The following STX11 variants were observed in gnomAD, a reference collection of about 807,000 sequenced individuals.
STX11 encodes the protein syntaxin 11.
Under a neutral mutation model 19.9 loss-of-function variants are expected in STX11, and 21 were observed. The observed-to-expected ratio is 1.06, with a 90% CI of 0.75 to 1.52. The LOEUF (loss-of-function observed/expected upper bound fraction) is 1.52, where lower values mean the gene tolerates loss of function less well. Ranked by LOEUF, STX11 falls within the 40% of genes most tolerant of loss-of-function variation. STX11 has a pLI of 0.00. For synonymous variants in STX11, 193 were observed against 174.4 expected, an observed-to-expected ratio of 1.11 and a Z score of -0.84; for missense variants, 438 against 405.9, an observed-to-expected ratio of 1.08 and a Z score of -0.68.
the STX11 span, among the ~76,000 whole-genome samples, chr6:144,140,207 C>A: frequency 1.5e-5 from 1 of 65,448 alleles, no homozygotes; most frequent in Non-Finnish European, 3.0e-5. Context: ...TTGGTCAATT[C>A]ACATATATAT....
Position 144,155,980 on chromosome 6 carries a change from T to A in STX11, c.-6+5277T>A, listed in dbSNP as rs899370399. Among the ~76,000 whole-genome samples the A allele has an allele frequency of 7.5e-6, 1 of 132,468 alleles. No homozygotes were observed. Among genetic ancestry groups the A allele is most frequent in the African/African-American group, 3.7e-5 (1 of 26,802 alleles). 86.9% of individuals were successfully genotyped at this position (132,468 alleles called of 152,430 possible). ...TTTCTTTCTTTCTTTCTTTCTTTCT[T>A]TCTTTCTTTCTTTCTTTCTTTCTTT... On this transcript the variant is annotated intron_variant, in intron 1 of 1. Transcript: ENST00000367568. The surrounding 1 kb of genome is among the most constrained non-coding windows in gnomAD (Gnocchi z 4.5).
In STX11 at chr6:144,184,098, T is replaced by A. The variant is rs989586180; in HGVS notation, c.-5-2525T>A. ...TATGGCTGTATAGTACAGTCTAACATTGATGGGCATTTGGGTTGGTTCCGT... is the reference window on the plus strand; with the variant it reads ...TATGGCTGTATAGTACAGTCTAACAATGATGGGCATTTGGGTTGGTTCCGT... On this transcript the variant is annotated intron_variant, in intron 1 of 1. Coordinates refer to ENST00000367568, the MANE Select transcript of STX11 (RefSeq NM_003764.4). This position sits in a 1 kb window ranked among gnomAD's most constrained non-coding sequence, Gnocchi z 6.5. Among the ~76,000 whole-genome samples the A allele has an allele frequency of 6.6e-6, 1 of 152,250 alleles. No homozygotes were observed. Among genetic ancestry groups the A allele is most frequent in the Non-Finnish European group, 1.5e-5 (1 of 68,044 alleles).
At chr6:144,140,783 A>T in the STX11 span, 3 of 985,418 alleles carry the variant, frequency 3.0e-6, no homozygotes, top group South Asian at 1.4e-4. Context: ...GAGGAAGAAG[A>T]GAAGAAAGCC....
chr6:144,168,610 A>G (rs1398142603), intron 1 of STX11, among the ~76,000 whole-genome samples: 1 of 152,190 alleles, frequency 6.6e-6, no homozygotes, highest in Non-Finnish European at 1.5e-5. Context: ...CTCATCTGAT[A>G]TACGGAATCC....
At position 144,187,536 on chromosome 6, in the gene STX11, C is replaced by T; in HGVS notation, c.*45C>T. On this transcript the variant is annotated 3_prime_UTR_variant, in exon 2 of 2. Coordinates refer to ENST00000367568, the MANE Select transcript of STX11 (RefSeq NM_003764.4). This position sits in a 1 kb window ranked among gnomAD's most constrained non-coding sequence, Gnocchi z 5.6. ...ACCGCCCATCCCAGACCATGGAGCG[C>T]GCTGGGAAGGACGCACCAAAGCCGG... 2.5e-6 allele frequency: 4 copies of T among 1,610,798 alleles called. No homozygotes were observed. The highest frequency in any genetic ancestry group is 3.4e-6 in the Non-Finnish European group (4 of 1,179,516).
At chr6:144,178,414 T>G (rs969239661) in intron 1 of STX11, among the ~76,000 whole-genome samples, 2 of 152,226 alleles carry the variant, frequency 1.3e-5, no homozygotes, top group African/African-American at 4.8e-5. Flanking sequence ...AGTAGCTGCT[T>G]TGATTTCCCG....
At chr6:144,145,869 G>C (rs1405845915), upstream of STX11, among the ~76,000 whole-genome samples, 1 of 152,138 alleles carries the variant, frequency 6.6e-6, no homozygotes, top group Non-Finnish European at 1.5e-5. Context: ...AAAATGTTCA[G>C]GATGGTGGTG....
chr6:144,166,846 T>G (rs1260748071), intron 1 of STX11, among the ~76,000 whole-genome samples: 1 of 49,212 alleles, frequency 2.0e-5, no homozygotes, highest in East Asian at 5.7e-4. Flanking sequence ...CCTTTCCCCC[T>G]TCCCTTCCCT....
chr6:144,154,653 C>T lies in STX11; in HGVS notation c.-6+3950C>T, dbSNP rs1382200114. ...GGTCAAATGGTGGAAGAACCACTAA[C>T]AAATGCAGACAGGTACATAACAACT... is the stretch of plus-strand genomic sequence containing the variant. On this transcript the variant is annotated intron_variant, in intron 1 of 1. Transcript: ENST00000367568. This position sits in a 1 kb window ranked among gnomAD's most constrained non-coding sequence, Gnocchi z 4.7. Among the ~76,000 whole-genome samples the T allele has an allele frequency of 6.6e-6, 1 of 152,230 alleles. No homozygotes were observed. Among genetic ancestry groups the T allele is most frequent in the Non-Finnish European group, 1.5e-5 (1 of 68,036 alleles).
chr6:144,151,358 C>CA lies in STX11; in HGVS notation c.-6+656dup, dbSNP rs1485926598. The stretch of plus-strand genomic sequence containing the variant: ...TGTATTACTTCCTGTGGTTCTCACG[C>CA]ACTTGTTTCAGCCGTTTCTCAGCAG... On this transcript the variant is annotated intron_variant, in intron 1 of 1. Transcript: ENST00000367568. The surrounding 1 kb of genome is among the most constrained non-coding windows in gnomAD (Gnocchi z 4.6). The CA allele has an allele frequency of 3.0e-6, 3 of 985,312 alleles. No individual in the cohort carries two copies. Among genetic ancestry groups the CA allele is most frequent in the Non-Finnish European group, 3.6e-6 (3 of 829,940 alleles). The allele number at this position is 985,312 out of a possible 1,614,324, so 61.0% of individuals were successfully genotyped here. A position where few individuals can be genotyped will look rare whatever the true frequency, so the allele number is the denominator to read the frequency against.
At chr6:144,173,160 CCCA>C (rs1801686561) in intron 1 of STX11, among the ~76,000 whole-genome samples, 1 of 152,208 alleles carries the variant, frequency 6.6e-6, no homozygotes, top group Non-Finnish European at 1.5e-5. Flanking sequence ...AAGTTGGGGA[CCCA>C]GAGGCCTCTT....
At chr6:144,146,141 G>A (rs143340586), upstream of STX11, among the ~76,000 whole-genome samples, 1 of 152,214 alleles carries the variant, frequency 6.6e-6, no homozygotes, top group African/African-American at 2.4e-5. The surrounding 1 kb of genome is among the most constrained non-coding windows in gnomAD (Gnocchi z 4.4). Flanking sequence ...GGCTGTGCTA[G>A]AGGACCTTCC....
At position 144,182,128 on chromosome 6, in the gene STX11, C is replaced by T. The variant is rs917930618; in HGVS notation, c.-5-4495C>T. Among the ~76,000 whole-genome samples the T allele has an allele frequency of 8.5e-5, 13 of 152,170 alleles. No homozygotes were observed. Among genetic ancestry groups the T allele is most frequent in the Non-Finnish European group, 1.8e-4 (12 of 68,014 alleles). On this transcript the variant is annotated intron_variant, in intron 1 of 1. Transcript: ENST00000367568. This position sits in a 1 kb window ranked among gnomAD's most constrained non-coding sequence, Gnocchi z 4.8. Reference sequence around the variant, plus strand: ...TTTCTTTCTCATTTACCATAGTTCTCTTTCTAGGAACTCATAGTACAGAAT... The same window carrying T: ...TTTCTTTCTCATTTACCATAGTTCTTTTTCTAGGAACTCATAGTACAGAAT...
chr6:144,144,300 A>G, the STX11 span, among the ~76,000 whole-genome samples: 1 of 152,252 alleles, frequency 6.6e-6, no homozygotes, highest in Non-Finnish European at 1.5e-5. Flanking sequence ...ACAGAACCAC[A>G]TGATCACTGA....
Position 144,150,618 on chromosome 6 carries a change from T to A in STX11, c.-91T>A, listed in dbSNP as rs1252540579. 1.0e-6 allele frequency: 1 copy of A among 985,082 alleles called. No individual in the cohort carries two copies. The highest frequency in any genetic ancestry group is 1.8e-5 in the African/African-American group (1 of 57,140). The allele number at this position is 985,082 out of a possible 1,614,324, so 61.0% of individuals were successfully genotyped here. A position where few individuals can be genotyped will look rare whatever the true frequency, so the allele number is the denominator to read the frequency against. ...GAGCCGCCGGGAGTCGCGCAACAGG[T>A]TTCCTTCTCCATCGCTGCGCCCACA... On this transcript the variant is annotated 5_prime_UTR_variant, in exon 1 of 2. Coordinates refer to ENST00000367568, the MANE Select transcript of STX11 (RefSeq NM_003764.4).
At chr6:144,146,213 G>A (rs1432456566), upstream of STX11, among the ~76,000 whole-genome samples, 1 of 152,164 alleles carries the variant, frequency 6.6e-6, no homozygotes, top group African/African-American at 2.4e-5. This position sits in a 1 kb window ranked among gnomAD's most constrained non-coding sequence, Gnocchi z 4.4. Context: ...CGTGCAGGAT[G>A]ATGGCCACGG....
rs139378736 is a variant in STX11 at position 144,180,947 on chromosome 6, C to T, written c.-5-5676C>T. ...TTTATTCATGTACCTGAGGGTGCCT[C>T]ATCATAGTAAGCTCAGTCTTCAATT... is the stretch of plus-strand genomic sequence containing the variant. On this transcript the variant is annotated intron_variant, in intron 1 of 1. Transcript: ENST00000367568. This position sits in a 1 kb window ranked among gnomAD's most constrained non-coding sequence, Gnocchi z 5.3. Among the ~76,000 whole-genome samples, 21 of 152,318 alleles carry T rather than the reference C, an allele frequency of 1.4e-4. No homozygotes were observed. Among genetic ancestry groups the T allele is most frequent in the African/African-American group, 4.8e-4 (20 of 41,578 alleles).
Position 144,151,528 on chromosome 6 carries a change from G to C in STX11, c.-6+825G>C. On this transcript the variant is annotated intron_variant, in intron 1 of 1. Coordinates refer to ENST00000367568, the MANE Select transcript of STX11 (RefSeq NM_003764.4). The surrounding 1 kb of genome is among the most constrained non-coding windows in gnomAD (Gnocchi z 4.6). ...GTGAAATGCCTGCCCTGCCAACCTG[G>C]GGCAGTGGTATGGGAAGTGACGATT... 1.4e-6 allele frequency: 1 copy of C among 719,298 alleles called. No homozygotes were observed. The highest frequency in any genetic ancestry group is 1.7e-6 in the Non-Finnish European group (1 of 586,634). The allele number at this position is 719,298 out of a possible 1,614,324, so 44.6% of individuals were successfully genotyped here. A position where few individuals can be genotyped will look rare whatever the true frequency, so the allele number is the denominator to read the frequency against.
chr6:144,145,344 G>C, the STX11 span, among the ~76,000 whole-genome samples: 3 of 152,310 alleles, frequency 2.0e-5, no homozygotes, highest in East Asian at 5.8e-4. Context: ...GAGATACTTA[G>C]AGCAGTCAAA....
Sources: allele counts gnomAD v4.1 joint callset (sites outside exome capture counted in the v4.1 genomes callset), GRCh38; gene constraint gnomAD v4.1.1; non-coding constraint Gnocchi (gnomAD v3.1); transcripts MANE v1.5; gene names NCBI Gene and HGNC (gene_info 2026-07-23, HGNC 2026-07-21).